The following NF1 variants were observed in gnomAD, a reference collection of about 807,000 sequenced individuals.
NF1 encodes the protein neurofibromin.
Under a neutral mutation model 325.7 loss-of-function variants are expected in NF1, and 122 were observed. The observed-to-expected ratio is 0.37, with a 90% CI of 0.32 to 0.44. The LOEUF (loss-of-function observed/expected upper bound fraction) is 0.44, where lower values mean the gene tolerates loss of function less well. Among genes scored for constraint, NF1 ranks in the 20% least tolerant of loss-of-function variants. NF1 has a pLI of 1.00. For missense variants in NF1, 2,140 were observed against 3,415.4 expected (o/e 0.63, Z 9.31); for synonymous variants, 1,091 against 1,186.0 (o/e 0.92, Z 1.65).
At chr17:31,181,973 T>C (rs1333679713) in intron 7 of NF1, among the ~76,000 whole-genome samples, 188 bp downstream of exon 7, 1 of 152,194 alleles carries the variant, frequency 6.6e-6, no homozygotes, top group African/African-American at 2.4e-5. Flanking sequence ...ACCCTCTTCC[T>C]TTCCTTGGAG....
chr17:31,170,210 C>T (rs945682701), intron 5 of NF1, among the ~76,000 whole-genome samples: 1 of 152,080 alleles, frequency 6.6e-6, no homozygotes, highest in Non-Finnish European at 1.5e-5. Flanking sequence ...TAAATCTTGG[C>T]AATGGAAAGT....
chr17:31,129,051 GC>G, intron 1 of NF1, among the ~76,000 whole-genome samples: 1 of 152,120 alleles, frequency 6.6e-6, no homozygotes, highest in Non-Finnish European at 1.5e-5. Flanking sequence ...TTTCTCTCTA[GC>G]CACCTTTAAC....
At chr17:31,243,042 C>G (rs1186829878) in intron 29 of NF1, among the ~76,000 whole-genome samples, 4 of 152,184 alleles carry the variant, frequency 2.6e-5, no homozygotes, top group Admixed American at 2.0e-4. Flanking sequence ...AACGCTGTGG[C>G]TCTTGTACAC....
chr17:31,096,105 C>T (rs1050868819), intron 1 of NF1, among the ~76,000 whole-genome samples: 1 of 151,542 alleles, frequency 6.6e-6, no homozygotes, highest in Admixed American at 6.6e-5. Flanking sequence ...GAAATATCTT[C>T]CCCTTCCTTG....
chr17:31,225,574 C>T (rs1233446673), intron 17 of NF1, among the ~76,000 whole-genome samples: 1 of 152,114 alleles, frequency 6.6e-6, no homozygotes, highest in African/African-American at 2.4e-5. Context: ...CCATAAAAAA[C>T]CCATTCATAC....
intron 34 of NF1, among the ~76,000 whole-genome samples, 182 bp downstream of exon 34, chr17:31,260,697 T>C (rs570528317): frequency 6.6e-6 from 1 of 152,328 alleles, no homozygotes; most frequent in African/African-American, 2.4e-5. Context: ...TATTAAATAA[T>C]CAACAAACCT....
At chr17:31,259,388 T>C (rs1296782474) in intron 33 of NF1, among the ~76,000 whole-genome samples, 1 of 152,164 alleles carries the variant, frequency 6.6e-6, no homozygotes, top group Non-Finnish European at 1.5e-5. Context: ...AAATAAAGGA[T>C]TTGAGGATGG....
At chr17:31,217,037 T>C (rs1401799057) in intron 13 of NF1, among the ~76,000 whole-genome samples, 1 of 152,184 alleles carries the variant, frequency 6.6e-6, no homozygotes, top group Non-Finnish European at 1.5e-5. Context: ...TTTATACTTG[T>C]TGATCTGATT....
intron 1 of NF1, among the ~76,000 whole-genome samples, chr17:31,144,666 G>A (rs1916467998): frequency 6.6e-6 from 1 of 152,132 alleles, no homozygotes; most frequent in African/African-American, 2.4e-5. Context: ...TGTGGCCTCG[G>A]CTTCTCACAG....
intron 1 of NF1, among the ~76,000 whole-genome samples, chr17:31,118,398 T>G (rs2143360789): frequency 6.6e-6 from 1 of 152,208 alleles, no homozygotes; most frequent in South Asian, 2.1e-4. Flanking sequence ...CCCATCAACC[T>G]GTCGTCTACC....
In NF1 at chr17:31,242,305, C is replaced by CTTTTTTTTTTTTTTTT. The variant is rs200376987; in HGVS notation, c.3974+6296_3974+6311dup. ...TCTTTCCCTAGGTTTCATAAGTTCT[C>CTTTTTTTTTTTTTTTT]TTTTTTTTTTTTTTTTTTTTTTTTT... is the stretch of plus-strand genomic sequence containing the variant. On this transcript the variant is annotated intron_variant, in intron 29 of 57. Transcript: ENST00000358273. Among the ~76,000 whole-genome samples the CTTTTTTTTTTTTTTTT allele has an allele frequency of 2.9e-5, 2 of 68,850 alleles. 1 individual carries two copies. The highest frequency in any genetic ancestry group is 5.3e-5 in the Non-Finnish European group (2 of 37,608). The allele number at this position is 68,850 out of a possible 152,430, so 45.2% of individuals were successfully genotyped here.
chr17:31,231,270 T>C lies in NF1; in HGVS notation c.3197+345T>C, dbSNP rs181491444. 3.9e-4 allele frequency among the ~76,000 whole-genome samples: 60 copies of C among 152,286 alleles called. No homozygotes were observed. The East Asian group carries it at 9.8e-3, about 25-fold the overall frequency. ...TATTTGAGGAACTCATTGTGTTGAA[T>C]CTTTTTAAGAAATAATTGATTTCCT... On this transcript the variant is annotated intron_variant, in intron 24 of 57. Coordinates refer to ENST00000358273, the MANE Select transcript of NF1 (RefSeq NM_001042492.3).
chr17:31,297,756 G>A (rs2068496598), intron 36 of NF1, among the ~76,000 whole-genome samples: 1 of 151,892 alleles, frequency 6.6e-6, no homozygotes, highest in African/African-American at 2.4e-5. Flanking sequence ...CCCCAACATG[G>A]TGATTATTAT....
chr17:31,172,747 G>A (rs750976943), intron 5 of NF1, among the ~76,000 whole-genome samples: 8 of 152,120 alleles, frequency 5.3e-5, no homozygotes, highest in East Asian at 1.9e-4. Context: ...TATGAGTTAC[G>A]AAGCTTTATT....
chr17:31,102,617 C>T (rs1266856084), intron 1 of NF1, among the ~76,000 whole-genome samples: 1 of 151,750 alleles, frequency 6.6e-6, no homozygotes, highest in East Asian at 2.0e-4. Context: ...TGCCTGTAGT[C>T]GCAGCTACTC....
intron 25 of NF1, 29 bp downstream of exon 25, chr17:31,232,218 G>A (rs759068449): frequency 4.3e-6 from 6 of 1,403,748 alleles, no homozygotes; most frequent in South Asian, 2.3e-5. Context: ...AAAACATAAA[G>A]CAAAAAGCAA....
chr17:31,113,427 A>G (rs1007269299), intron 1 of NF1, among the ~76,000 whole-genome samples: 2 of 152,084 alleles, frequency 1.3e-5, no homozygotes, highest in Admixed American at 6.6e-5. Context: ...CTTATTTTAT[A>G]GAGACAGGAT....
At chr17:31,224,279 T>G (rs1286629563) in intron 16 of NF1, among the ~76,000 whole-genome samples, 6 of 152,166 alleles carry the variant, frequency 3.9e-5, no homozygotes, top group African/African-American at 1.4e-4. Flanking sequence ...ACATATAGTT[T>G]CTGTAATTAA....
intron 57 of NF1, among the ~76,000 whole-genome samples, chr17:31,366,361 C>T (rs990141703): frequency 3.3e-5 from 5 of 152,014 alleles, no homozygotes; most frequent in African/African-American, 4.8e-5. Context: ...CTTTAGACTC[C>T]CTTCTTCCAT....
Sources: gnomAD v4.1 joint callset for allele counts (sites outside exome capture counted in the v4.1 genomes callset) on GRCh38, gnomAD v4.1.1 for gene constraint, MANE v1.5 for transcripts, NCBI Gene and HGNC (gene_info 2026-07-23, HGNC 2026-07-21) for gene names.